Variants in CACNA1D observed in about 807,000 individuals in gnomAD.
CACNA1D encodes calcium voltage-gated channel subunit alpha1 D.
In CACNA1D, 55 loss-of-function variants were observed where a neutral mutation model predicts 257.1. The ratio of observed to expected loss-of-function variants is 0.21; its 90% confidence interval spans 0.17 to 0.27. The LOEUF is 0.27. Among genes scored for constraint, CACNA1D ranks in the 10% least tolerant of loss-of-function variants. The pLI, the probability that CACNA1D is intolerant of heterozygous loss-of-function variation, is 1.00. For missense variants in CACNA1D, 1,876 were observed against 2,784.0 expected (o/e 0.67, Z 7.34); for synonymous variants, 980 against 1,014.9 (o/e 0.97, Z 0.65).
chr3:53,734,692 C>G (rs1280422185), intron 19 of CACNA1D, among the ~76,000 whole-genome samples: 1 of 152,126 alleles, frequency 6.6e-6, no homozygotes, highest in Non-Finnish European at 1.5e-5. Context: ...GGTGAGAACT[C>G]TCATGCCGGG....
intron 3 of CACNA1D, among the ~76,000 whole-genome samples, chr3:53,591,931 G>C (rs2093310968): frequency 6.6e-6 from 1 of 152,184 alleles, no homozygotes; most frequent in Non-Finnish European, 1.5e-5. Context: ...TGGGTGACAG[G>C]CTCTCCACCT....
At chr3:53,785,986 G>T (rs933690356) in intron 39 of CACNA1D, 35 of 152,368 alleles carry the variant, frequency 2.3e-4, no homozygotes, top group African/African-American at 8.2e-4. Flanking sequence ...AAGAGACACA[G>T]CACACTGAAG....
intron 40 of CACNA1D, among the ~76,000 whole-genome samples, chr3:53,796,971 A>G (rs999663032): frequency 6.6e-6 from 1 of 152,252 alleles, no homozygotes; most frequent in South Asian, 2.1e-4. Flanking sequence ...GCTAATGACC[A>G]CTTTTCAAAT....
intron 26 of CACNA1D, among the ~76,000 whole-genome samples, chr3:53,748,871 G>C (rs762186121): frequency 2.0e-5 from 3 of 152,178 alleles, no homozygotes; most frequent in Non-Finnish European, 4.4e-5. Flanking sequence ...GCATATCTCT[G>C]TTTGGGGAAG....
chr3:53,799,837 C>T, intron 40 of CACNA1D: 2 of 285,488 alleles, frequency 7.0e-6, no homozygotes, highest in South Asian at 3.9e-5. Context: ...CCACATCAGC[C>T]TCCCTTTAGA....
At chr3:53,519,363 G>C (rs1434684302) in intron 3 of CACNA1D, among the ~76,000 whole-genome samples, 1 of 152,182 alleles carries the variant, frequency 6.6e-6, no homozygotes, top group Non-Finnish European at 1.5e-5. Flanking sequence ...TTGATACCAG[G>C]AAAGTTAGAC....
In CACNA1D at chr3:53,800,936, T is replaced by C. The variant is rs2095533371; in HGVS notation, c.5041-122T>C. 3 of 933,856 alleles carry C rather than the reference T, an allele frequency of 3.2e-6. No homozygotes were observed. Among genetic ancestry groups the C allele is most frequent in the South Asian group, 2.7e-5 (2 of 75,032 alleles). 57.8% of individuals were successfully genotyped at this position (933,856 alleles called of 1,614,324 possible). A position where few individuals can be genotyped will look rare whatever the true frequency, so the allele number is the denominator to read the frequency against. ...TGATCATTGAGACACTCAGATTGTT[T>C]TACAGGGATCCTACGGAGCTTGCCT... On this transcript the variant is annotated intron_variant, in intron 41 of 47. Transcript: ENST00000350061. This position sits in a 1 kb window ranked among gnomAD's most constrained non-coding sequence, Gnocchi z 4.3.
chr3:53,777,102 A>G (rs1013803893), intron 37 of CACNA1D, 146 bp downstream of exon 37: 36 of 719,360 alleles, frequency 5.0e-5, no homozygotes, highest in Non-Finnish European at 7.8e-5. Context: ...CTCTGGGGAA[A>G]TCTCAGATTT....
intron 3 of CACNA1D, among the ~76,000 whole-genome samples, chr3:53,540,164 G>A (rs888022428): frequency 1.3e-5 from 2 of 151,802 alleles, no homozygotes; most frequent in Non-Finnish European, 2.9e-5. Context: ...TGTCACCCAG[G>A]CTAGAGTGCA....
Position 53,642,169 on chromosome 3 carries a change from G to GT in CACNA1D, c.484-8607dup, listed in dbSNP as rs1383566974. 4.6e-5 allele frequency among the ~76,000 whole-genome samples: 7 copies of GT among 152,202 alleles called. No individual in the cohort carries two copies. In the South Asian group the frequency reaches 1.2e-3, roughly 27 times the overall value. ...CTCAGGGCCAGGTGCCTGCTTCTGAGTTTCGCTGGCTGGCTGGCTGACTGG... is the reference window on the plus strand; with the variant it reads ...CTCAGGGCCAGGTGCCTGCTTCTGAGTTTTCGCTGGCTGGCTGGCTGACTGG... On this transcript the variant is annotated intron_variant, in intron 3 of 47. Coordinates refer to ENST00000350061, the MANE Select transcript of CACNA1D (RefSeq NM_001128840.3).
intron 3 of CACNA1D, among the ~76,000 whole-genome samples, chr3:53,517,411 C>G (rs368270963): frequency 1.3e-5 from 2 of 152,024 alleles, no homozygotes; most frequent in Non-Finnish European, 1.5e-5. Flanking sequence ...CAGGCCAGAG[C>G]TCGACAGGAC....
intron 3 of CACNA1D, among the ~76,000 whole-genome samples, chr3:53,645,734 T>G (rs1300753429): frequency 6.6e-6 from 1 of 152,192 alleles, no homozygotes; most frequent in Non-Finnish European, 1.5e-5. Context: ...TTTGACAGCA[T>G]GTAACAGCAG....
intron 3 of CACNA1D, among the ~76,000 whole-genome samples, chr3:53,520,908 T>C (rs1279281043): frequency 6.7e-6 from 1 of 149,072 alleles, no homozygotes; most frequent in Non-Finnish European, 1.5e-5. Context: ...TCTTTTCTTT[T>C]CTTTTCTTTT....
chr3:53,566,954 A>G (rs906988079), intron 3 of CACNA1D, among the ~76,000 whole-genome samples: 1 of 152,212 alleles, frequency 6.6e-6, no homozygotes, highest in Non-Finnish European at 1.5e-5. Context: ...GTCTTCAGCT[A>G]TCTGTTAAGA....
intron 3 of CACNA1D, among the ~76,000 whole-genome samples, chr3:53,626,231 A>T (rs974561637): frequency 1.3e-5 from 2 of 152,082 alleles, no homozygotes; most frequent in African/African-American, 4.8e-5. Flanking sequence ...GGTCAGAGGG[A>T]TGAAGAGGAG....
chr3:53,601,212 G>A (rs900244093), intron 3 of CACNA1D, among the ~76,000 whole-genome samples: 2 of 152,140 alleles, frequency 1.3e-5, no homozygotes, highest in Non-Finnish European at 2.9e-5. Flanking sequence ...GTGCACAGAG[G>A]GTTGTACTGT....
intron 29 of CACNA1D, among the ~76,000 whole-genome samples, chr3:53,760,668 A>C (rs957598144): frequency 6.6e-6 from 1 of 152,202 alleles, no homozygotes; most frequent in South Asian, 2.1e-4. Flanking sequence ...TGCTGTGCTG[A>C]TGCTGGAAGA....
At chr3:53,519,167 C>T (rs1291887666) in intron 3 of CACNA1D, among the ~76,000 whole-genome samples, 2 of 152,164 alleles carry the variant, frequency 1.3e-5, no homozygotes, top group Non-Finnish European at 2.9e-5. Flanking sequence ...ATGCTACATG[C>T]CTGACCCTTG....
intron 3 of CACNA1D, among the ~76,000 whole-genome samples, chr3:53,554,498 T>C (rs1207589519): frequency 6.6e-6 from 1 of 152,188 alleles, no homozygotes; most frequent in Non-Finnish European, 1.5e-5. Flanking sequence ...TTCAAGGGGC[T>C]CCCTTCTTCG....
Sources: gnomAD v4.1 joint callset for allele counts (sites outside exome capture counted in the v4.1 genomes callset) on GRCh38, gnomAD v4.1.1 for gene constraint, Gnocchi (gnomAD v3.1) non-coding constraint, MANE v1.5 for transcripts, NCBI Gene and HGNC (gene_info 2026-07-23, HGNC 2026-07-21) for gene names.